Variants in ZNF407 observed in about 807,000 individuals in gnomAD.
The protein encoded by ZNF407 is zinc finger protein 407.
A neutral mutation model predicts 131.2 loss-of-function variants in ZNF407; 17 were observed. That is an observed-to-expected ratio of 0.13 (90% CI 0.09 to 0.19). The LOEUF (loss-of-function observed/expected upper bound fraction) is 0.19. Ranked by LOEUF, ZNF407 falls within the 10% of genes least tolerant of loss-of-function variation. The pLI is 1.00. For synonymous variants in ZNF407, 1,156 were observed against 1,062.0 expected, an observed-to-expected ratio of 1.09 and a Z score of -1.72; for missense variants, 2,681 against 2,830.6, an observed-to-expected ratio of 0.95 and a Z score of 1.20.
chr18:75,034,282 C>T (rs1252115278), intron 8 of ZNF407, among the ~76,000 whole-genome samples: 8 of 143,932 alleles, frequency 5.6e-5, no homozygotes, highest in African/African-American at 2.0e-4. Flanking sequence ...AACTTCATTT[C>T]TCTTTTCTCT....
intron 8 of ZNF407, among the ~76,000 whole-genome samples, chr18:74,972,140 C>G (rs1380536520): frequency 6.6e-6 from 1 of 152,168 alleles, no homozygotes; most frequent in African/African-American, 2.4e-5. Context: ...AGATACAATT[C>G]AAGTTGAGAT....
intron 8 of ZNF407, among the ~76,000 whole-genome samples, chr18:75,036,688 A>C (rs960497933): frequency 6.6e-6 from 1 of 152,236 alleles, no homozygotes; most frequent in African/African-American, 2.4e-5. Context: ...ACTTTTTCCA[A>C]GGTGAATGTG....
chr18:74,685,728 G>T (rs1037635642), intron 3 of ZNF407, among the ~76,000 whole-genome samples: 1 of 152,146 alleles, frequency 6.6e-6, no homozygotes, highest in African/African-American at 2.4e-5. Context: ...TCAACTGAGT[G>T]CTCTCCATCC....
intron 8 of ZNF407, among the ~76,000 whole-genome samples, chr18:75,052,150 G>C (rs1355255306): frequency 6.6e-6 from 1 of 152,102 alleles, no homozygotes; most frequent in Non-Finnish European, 1.5e-5. Flanking sequence ...GCTTGGGTGT[G>C]CTTAATTTTA....
intron 7 of ZNF407, among the ~76,000 whole-genome samples, chr18:74,901,580 G>A (rs970112977): frequency 1.7e-4 from 26 of 152,218 alleles, no homozygotes; most frequent in African/African-American, 6.3e-4. Context: ...GGGAGTGGCT[G>A]TGATGAGCAA....
chr18:75,003,760 G>A (rs1443562096), intron 8 of ZNF407, among the ~76,000 whole-genome samples: 3 of 152,098 alleles, frequency 2.0e-5, no homozygotes, highest in Non-Finnish European at 4.4e-5. Flanking sequence ...TGTGTTTTCT[G>A]TATTACACAT....
intron 8 of ZNF407, among the ~76,000 whole-genome samples, chr18:75,039,509 G>C (rs1327126663): frequency 6.6e-6 from 1 of 152,186 alleles, no homozygotes; most frequent in Non-Finnish European, 1.5e-5. Flanking sequence ...GTGCTGCAGG[G>C]AAATTCAGAC....
At chr18:74,967,608 C>G (rs1042087244) in intron 8 of ZNF407, among the ~76,000 whole-genome samples, 1 of 152,218 alleles carries the variant, frequency 6.6e-6, no homozygotes, top group East Asian at 1.9e-4. Flanking sequence ...TCCTCTTCCT[C>G]CTGCCTTCAG....
At chr18:74,857,159 C>A (rs995110187) in intron 4 of ZNF407, among the ~76,000 whole-genome samples, 10 of 152,314 alleles carry the variant, frequency 6.6e-5, no homozygotes, top group South Asian at 6.2e-4. Flanking sequence ...CCGATTTAAA[C>A]CAATTACAGC....
intron 1 of ZNF407, among the ~76,000 whole-genome samples, chr18:74,608,433 C>T (rs1232782609): frequency 6.6e-6 from 1 of 151,746 alleles, no homozygotes; most frequent in African/African-American, 2.4e-5. Context: ...CTGCAGTTTC[C>T]GCCTCCTGGT....
At chr18:74,608,317 T>TTGGTC (rs776960438) in intron 1 of ZNF407, among the ~76,000 whole-genome samples, 9 of 152,086 alleles carry the variant, frequency 5.9e-5, no homozygotes, top group Non-Finnish European at 8.8e-5. Context: ...TTATGTCTCC[T>TTGGTC]TGGTCTCTCC....
chr18:74,826,054 A>G (rs1166030206), intron 4 of ZNF407, among the ~76,000 whole-genome samples: 1 of 152,198 alleles, frequency 6.6e-6, no homozygotes, highest in Non-Finnish European at 1.5e-5. Flanking sequence ...TTTTCTTGTC[A>G]TTCAATAAAT....
chr18:74,820,015 G>A (rs1970319008), intron 4 of ZNF407, among the ~76,000 whole-genome samples: 1 of 152,178 alleles, frequency 6.6e-6, no homozygotes, highest in Admixed American at 6.5e-5. Flanking sequence ...TTTAAAATCA[G>A]CACTGAAGGA....
intron 7 of ZNF407, among the ~76,000 whole-genome samples, chr18:74,920,003 C>T (rs1274837334): frequency 6.6e-6 from 1 of 152,164 alleles, no homozygotes; most frequent in African/African-American, 2.4e-5. Flanking sequence ...ACATGTTGCC[C>T]AAATACTGGA....
Position 74,631,331 on chromosome 18 carries a change from G to C in ZNF407, c.312G>C (p.Gly104=). The C allele has an allele frequency of 1.2e-6, 2 of 1,614,012 alleles. No individual in the cohort carries two copies. Among genetic ancestry groups the C allele is most frequent in the South Asian group, 1.1e-5 (1 of 91,084 alleles). ...LETSESSVTE[G]GIALDETGKE... ...CTTCTGAGAGCTCAGTCACAGAAGG[G>C]GGTATTGCATTAGATGAAACAGGGA... The change falls in exon 2 of 9, where the codon GGG becomes GGC. Residue 104 remains glycine (G), a synonymous_variant. Transcript: ENST00000299687.
At chr18:74,850,640 A>G (rs1970769156) in intron 4 of ZNF407, among the ~76,000 whole-genome samples, 1 of 152,224 alleles carries the variant, frequency 6.6e-6, no homozygotes, top group African/African-American at 2.4e-5. Context: ...ATAACAAATA[A>G]AGGCTGATGC....
intron 3 of ZNF407, among the ~76,000 whole-genome samples, chr18:74,674,533 A>G (rs1417898954): frequency 6.6e-6 from 1 of 152,134 alleles, no homozygotes; most frequent in African/African-American, 2.4e-5. Flanking sequence ...CTCTGACACC[A>G]TAGTATCCTG....
At chr18:74,923,958 T>C (rs1024183092) in intron 8 of ZNF407, among the ~76,000 whole-genome samples, 4 of 152,134 alleles carry the variant, frequency 2.6e-5, no homozygotes, top group Admixed American at 6.5e-5. Context: ...ACTACCCTAA[T>C]GTCCCTCAAG....
intron 8 of ZNF407, among the ~76,000 whole-genome samples, chr18:74,992,131 G>A (rs534822195): frequency 1.3e-5 from 2 of 152,192 alleles, no homozygotes; most frequent in Non-Finnish European, 2.9e-5. Context: ...GCCAGCTGCT[G>A]TTCTGAGTGC....
Sources: allele counts gnomAD v4.1 joint callset (sites outside exome capture counted in the v4.1 genomes callset), GRCh38; gene constraint gnomAD v4.1.1; transcripts MANE v1.5; gene names NCBI Gene and HGNC (gene_info 2026-07-23, HGNC 2026-07-21).